Variants in NPAT observed in about 807,000 individuals in gnomAD.
The protein encoded by NPAT is protein NPAT.
In NPAT, 52 loss-of-function variants were observed where a neutral mutation model predicts 130.7. The observed-to-expected ratio is 0.40, with a 90% CI of 0.32 to 0.50. The LOEUF (loss-of-function observed/expected upper bound fraction) is 0.50, where lower values mean the gene tolerates loss of function less well. Among genes scored for constraint, NPAT ranks in the 20% least tolerant of loss-of-function variants. The pLI is 0.68. For synonymous variants in NPAT, 580 were observed against 584.8 expected, an observed-to-expected ratio of 0.99 and a Z score of 0.12; for missense variants, 1,687 against 1,662.6, an observed-to-expected ratio of 1.01 and a Z score of -0.26.
At chr11:108,189,052 C>G in intron 6 of NPAT, 54 bp downstream of exon 6, 1 of 1,363,044 alleles carries the variant, frequency 7.3e-7, no homozygotes, top group South Asian at 1.2e-5. Context: ...TATATTATCT[C>G]ATTCATACAA....
At chr11:108,186,950 T>G (rs2078113568) in intron 7 of NPAT, among the ~76,000 whole-genome samples, 1 of 152,184 alleles carries the variant, frequency 6.6e-6, no homozygotes, top group African/African-American at 2.4e-5. Flanking sequence ...CAAAAAGTAT[T>G]AGTAGTCTTG....
chr11:108,195,234 T>G (rs941832001), intron 2 of NPAT, among the ~76,000 whole-genome samples: 1 of 152,228 alleles, frequency 6.6e-6, no homozygotes, highest in Non-Finnish European at 1.5e-5. Context: ...GAGGAGTACA[T>G]GCATAATCAT....
chr11:108,193,838 G>C lies in NPAT; in HGVS notation c.217+119C>G, dbSNP rs2078194542. 3 of 651,486 alleles carry C rather than the reference G, an allele frequency of 4.6e-6. No individual in the cohort carries two copies. The South Asian group carries it at 5.8e-5, about 13-fold the overall frequency. The allele number at this position is 651,486 out of a possible 1,614,324, so 40.4% of individuals were successfully genotyped here. A position where few individuals can be genotyped will look rare whatever the true frequency, so the allele number is the denominator to read the frequency against. Reference sequence around the variant, plus strand: ...AGAAAAATTTATCTCATTACAACAGGGACAAGTTTTTTCAAGGCTTTTATG... The same window carrying C: ...AGAAAAATTTATCTCATTACAACAGCGACAAGTTTTTTCAAGGCTTTTATG... On this transcript the variant is annotated intron_variant, in intron 3 of 17. Coordinates refer to ENST00000278612, the MANE Select transcript of NPAT (RefSeq NM_002519.3).
intron 7 of NPAT, 128 bp from the exon 8 acceptor site, chr11:108,186,697 G>A: frequency 1.2e-6 from 1 of 803,286 alleles, no homozygotes. Context: ...GTATCTGCAG[G>A]GGGCTGGTTT....
At chr11:108,209,298 AAAAT>A (rs1037260114) in intron 1 of NPAT, among the ~76,000 whole-genome samples, 2 of 152,018 alleles carry the variant, frequency 1.3e-5, no homozygotes, top group African/African-American at 2.4e-5. Flanking sequence ...ATAACTAAAT[AAAAT>A]AAATAAATAA....
Position 108,169,825 on chromosome 11 carries a change from C to T in NPAT, c.2929G>A (p.Val977Ile), listed in dbSNP as rs762714632. 6 of 1,614,030 alleles carry T rather than the reference C, an allele frequency of 3.7e-6. No individual in the cohort carries two copies. In the South Asian group the frequency reaches 6.6e-5, roughly 18 times the overall value. Residue 977 changes from valine to isoleucine, a missense_variant, in exon 15 of 18, where the codon GTA becomes ATA. Val to Ile is a conservative substitution (Grantham distance 29, BLOSUM62 3). Coordinates refer to ENST00000278612, the MANE Select transcript of NPAT (RefSeq NM_002519.3). ...QVLHMPLTAP[V>I]CNRSIPQFPV... ...AATTGAGGGATACTTCTATTGCATA[C>T]AGGTGCTGTCAAAGGCATATGAAGA...
Position 108,176,456 on chromosome 11 carries a change from GC to G in NPAT, c.1004-83del, listed in dbSNP as rs2078007365. Reference sequence around the variant, plus strand: ...ATGAATACAGCTTGTTGGTGATTACGCAAATGTTAAACTTCGATTTAGGGTT... The same window carrying G: ...ATGAATACAGCTTGTTGGTGATTACGAAATGTTAAACTTCGATTTAGGGTT... On this transcript the variant is annotated intron_variant, in intron 11 of 17. Coordinates refer to ENST00000278612, the MANE Select transcript of NPAT (RefSeq NM_002519.3). 5 of 1,055,566 alleles carry G rather than the reference GC, an allele frequency of 4.7e-6. No individual in the cohort carries two copies. In the South Asian group the frequency reaches 6.6e-5, roughly 14 times the overall value. 65.4% of individuals were successfully genotyped at this position (1,055,566 alleles called of 1,614,324 possible).
chr11:108,197,410 C>A lies in NPAT; in HGVS notation c.48G>T (p.Gln16His), dbSNP rs760825021. The stretch of plus-strand genomic sequence containing the variant: ...GGCAGGTAGAAATGAGGTTTTCTTG[C>A]TGTAAGTAACCTAAATAAAAAATAA... ...DVARLVLGYLQQENLISTCQT... is the reference protein window; with the variant it reads ...DVARLVLGYLHQENLISTCQT... Residue 16 changes from glutamine (Q) to histidine (H), a missense_variant, in exon 2 of 18, where the codon CAG becomes CAT. Around this residue, in one of 3 missense-constraint regions of NPAT, gnomAD observed 307 missense variants for 298.9 expected, o/e 1.03. Coordinates refer to ENST00000278612, the MANE Select transcript of NPAT (RefSeq NM_002519.3). 4.4e-6 allele frequency: 7 copies of A among 1,596,122 alleles called. No homozygotes were observed. The Admixed American group carries it at 1.2e-4, about 27-fold the overall frequency.
intron 1 of NPAT, 142 bp downstream of exon 1, chr11:108,222,358 G>A (rs1202837965): frequency 2.3e-6 from 2 of 854,400 alleles, no homozygotes; most frequent in East Asian, 2.6e-5. Flanking sequence ...TCCGAATGAC[G>A]AAGAATCACC....
intron 3 of NPAT, among the ~76,000 whole-genome samples, chr11:108,193,355 C>A (rs1232103652): frequency 6.6e-6 from 1 of 151,948 alleles, no homozygotes; most frequent in Non-Finnish European, 1.5e-5. Context: ...TTTTATTTTA[C>A]ATATTTTTTA....
intron 1 of NPAT, among the ~76,000 whole-genome samples, chr11:108,203,408 A>C (rs949348850): frequency 6.6e-6 from 1 of 152,156 alleles, no homozygotes; most frequent in Admixed American, 6.5e-5. Context: ...GAGTGACCTT[A>C]TACCATACTT....
chr11:108,163,668 T>C (rs1252538163), intron 15 of NPAT, among the ~76,000 whole-genome samples: 3 of 152,230 alleles, frequency 2.0e-5, no homozygotes, highest in African/African-American at 7.2e-5. Flanking sequence ...TTTGAAGGCC[T>C]TGAGTTACAC....
At chr11:108,201,185 A>G (rs1565324370) in intron 1 of NPAT, among the ~76,000 whole-genome samples, 1 of 152,224 alleles carries the variant, frequency 6.6e-6, no homozygotes, top group African/African-American at 2.4e-5. Context: ...TGAAGTACCT[A>G]GGTCTAGTCT....
intron 1 of NPAT, among the ~76,000 whole-genome samples, chr11:108,217,779 G>T (rs918500602): frequency 6.6e-6 from 1 of 152,084 alleles, no homozygotes; most frequent in African/African-American, 2.4e-5. Flanking sequence ...GATCACTTGA[G>T]GTCAGGAGTT....
In NPAT at chr11:108,189,326, T is replaced by C. The variant is rs1440850449; in HGVS notation, c.336A>G (p.Arg112=). Reference sequence around the variant, plus strand: ...TGATTTCTGCAATTCCAGTTCTCGTTCGGGCTGAAACATATAAGCATTTAA... The same window carrying C: ...TGATTTCTGCAATTCCAGTTCTCGTCCGGGCTGAAACATATAAGCATTTAA... ...SPRFAGSQRA[R]TRTGIAEIKR... The change falls in exon 6 of 18, where the codon CGA becomes CGG. Residue 112 remains arginine (R), a synonymous_variant. Transcript: ENST00000278612. 1 of 1,614,092 alleles carries C rather than the reference T, an allele frequency of 6.2e-7. No homozygotes were observed. Among genetic ancestry groups the C allele is most frequent in the Non-Finnish European group, 8.5e-7 (1 of 1,180,034 alleles).
intron 7 of NPAT, among the ~76,000 whole-genome samples, chr11:108,187,240 C>A (rs1230852209): frequency 6.6e-6 from 1 of 152,104 alleles, no homozygotes; most frequent in Non-Finnish European, 1.5e-5. Flanking sequence ...CACTTGAAGC[C>A]AGGAGTTTCA....
At chr11:108,197,244 C>CT (rs2078231276) in intron 2 of NPAT, 58 bp downstream of exon 2, 1 of 1,181,704 alleles carries the variant, frequency 8.5e-7, no homozygotes, top group Admixed American at 1.7e-5. Context: ...GATTTTATGA[C>CT]TATGTTTTTA....
At chr11:108,178,741 C>A (rs923271808) in intron 10 of NPAT, among the ~76,000 whole-genome samples, 1 of 152,114 alleles carries the variant, frequency 6.6e-6, no homozygotes, top group African/African-American at 2.4e-5. Flanking sequence ...GCCTGTAATC[C>A]CAGCTACTTG....
intron 1 of NPAT, among the ~76,000 whole-genome samples, chr11:108,198,664 AC>A (rs2078246813): frequency 1.3e-5 from 2 of 152,086 alleles, no homozygotes; most frequent in South Asian, 4.2e-4. Flanking sequence ...TTCCAGGTTC[AC>A]CCATGGACCA....
Sources: allele counts gnomAD v4.1 joint callset (sites outside exome capture counted in the v4.1 genomes callset), GRCh38; gene constraint gnomAD v4.1.1; regional missense constraint gnomAD v4.1.1; transcripts MANE v1.5; gene names NCBI Gene and HGNC (gene_info 2026-07-23, HGNC 2026-07-21).